The following ASB14 variants were observed in gnomAD, a reference collection of about 807,000 sequenced individuals.
The protein encoded by ASB14 is ankyrin repeat and SOCS box protein 14.
A neutral mutation model predicts 55.6 loss-of-function variants in ASB14; 63 were observed. That is an observed-to-expected ratio of 1.13 (90% CI 0.92 to 1.40). ASB14 has a LOEUF of 1.40. Ranked by LOEUF, ASB14 falls within the 40% of genes most tolerant of loss-of-function variation. The pLI, the probability that ASB14 is intolerant of heterozygous loss-of-function variation, is 0.00. For missense variants in ASB14, 724 were observed against 710.4 expected, an observed-to-expected ratio of 1.02 and a Z score of -0.22; for synonymous variants, 256 against 259.9, an observed-to-expected ratio of 0.98 and a Z score of 0.15.
At chr3:57,278,089 T>A (rs1030583000) in intron 8 of ASB14, among the ~76,000 whole-genome samples, 169 bp from the exon 9 acceptor site, 1 of 152,234 alleles carries the variant, frequency 6.6e-6, no homozygotes, top group African/African-American at 2.4e-5. Flanking sequence ...ATTCTTTTTT[T>A]CATCAGAAAT....
At chr3:57,275,887 A>G (rs1405764090) in intron 10 of ASB14, among the ~76,000 whole-genome samples, 1 of 152,190 alleles carries the variant, frequency 6.6e-6, no homozygotes, top group African/African-American at 2.4e-5. Context: ...AATAAGCATT[A>G]TAATCTTTAT....
At chr3:57,284,923 T>G (rs1254622238) in intron 5 of ASB14, among the ~76,000 whole-genome samples, 1 of 145,718 alleles carries the variant, frequency 6.9e-6, no homozygotes, top group Non-Finnish European at 1.5e-5. Flanking sequence ...TGTTGGTCTC[T>G]CTTTAATTTT....
chr3:57,269,955 G>A (rs768547297), intron 10 of ASB14: 1 of 246,866 alleles, frequency 4.1e-6, no homozygotes, highest in East Asian at 7.8e-5. Context: ...AATTACATTT[G>A]CTCAAGAATT....
Position 57,269,759 on chromosome 3 carries a change from C to G in ASB14, c.*23-141G>C, listed in dbSNP as rs2060923149. 3.3e-6 allele frequency: 5 copies of G among 1,509,320 alleles called. No homozygotes were observed. The African/African-American group carries it at 6.9e-5, about 21-fold the overall frequency. The allele number at this position is 1,509,320 out of a possible 1,614,324, so 93.5% of individuals were successfully genotyped here. A position where few individuals can be genotyped will look rare whatever the true frequency, so the allele number is the denominator to read the frequency against. On this transcript the variant is annotated intron_variant, in intron 10 of 10. Transcript: ENST00000487349. ...ATGGTGAAATGGCAGAAGGTAACAA[C>G]TATGTTGAAATATCAAGGAGGAGAT...
intron 8 of ASB14, 65 bp downstream of exon 8, chr3:57,278,312 A>G: frequency 7.6e-7 from 1 of 1,315,438 alleles, no homozygotes; most frequent in Non-Finnish European, 1.1e-6. Context: ...TAATCTATTT[A>G]TTGCCATAGT....
At chr3:57,277,631 T>A (rs1206311414) in intron 9 of ASB14, 136 bp downstream of exon 9, 26 of 759,592 alleles carry the variant, frequency 3.4e-5, no homozygotes, top group Non-Finnish European at 5.3e-5. Flanking sequence ...GTAACATTTT[T>A]AAAGATAGGA....
At chr3:57,269,907 A>AGGAAACCTGCTCATCT (rs758972065) in intron 10 of ASB14, 14 of 392,096 alleles carry the variant, frequency 3.6e-5, no homozygotes, top group South Asian at 2.1e-4. Flanking sequence ...TAACATCTAA[A>AGGAAACCTGCTCATCT]GGAAACCTGC....
At chr3:57,288,488 C>T (rs892430279) in intron 3 of ASB14, among the ~76,000 whole-genome samples, 4 of 152,148 alleles carry the variant, frequency 2.6e-5, no homozygotes, top group Admixed American at 6.6e-5. Flanking sequence ...ACACCCCCAG[C>T]GTCTTGTTAT....
intron 10 of ASB14, among the ~76,000 whole-genome samples, chr3:57,275,438 C>T (rs1486827231): frequency 1.7e-5 from 2 of 115,886 alleles, no homozygotes; most frequent in African/African-American, 3.5e-5. Context: ...GGTGACAGGA[C>T]AAGACTCCAT....
intron 5 of ASB14, among the ~76,000 whole-genome samples, chr3:57,285,529 AT>A (rs1486720506): frequency 6.6e-6 from 1 of 151,996 alleles, no homozygotes; most frequent in African/African-American, 2.4e-5. Flanking sequence ...CACCATCCTA[AT>A]ATTTTTGTAG....
intron 6 of ASB14, among the ~76,000 whole-genome samples, chr3:57,282,338 T>C (rs2061046724): frequency 6.6e-6 from 1 of 152,188 alleles, no homozygotes; most frequent in African/African-American, 2.4e-5. Flanking sequence ...AGAATAAAGA[T>C]AATTCTATTA....
rs1261298363 is a variant in ASB14, at chr3:57,283,181, CAG to C, written c.715+11_715+12del. ...ACCCTTTGTTAGTGTGCTGACCAAA[CAG>C]AAGATCTTGCCTTTCCGCAGTAACA... On this transcript the variant is annotated intron_variant, in intron 6 of 10. Coordinates refer to ENST00000487349, the MANE Select transcript of ASB14 (RefSeq NM_001142733.3). 9 of 1,552,170 alleles carry C rather than the reference CAG, an allele frequency of 5.8e-6. No homozygotes were observed. In the Admixed American group the frequency reaches 1.6e-4, roughly 27 times the overall value.
intron 10 of ASB14, among the ~76,000 whole-genome samples, chr3:57,275,178 C>T (rs977686612): frequency 2.0e-5 from 3 of 152,108 alleles, no homozygotes; most frequent in Non-Finnish European, 2.9e-5. Context: ...AGGCTGGGCA[C>T]GGTGGCTCAT....
chr3:57,271,598 C>CT (rs1173448822), intron 10 of ASB14: 1 of 152,186 alleles, frequency 6.6e-6, no homozygotes, highest in Non-Finnish European at 1.5e-5. Flanking sequence ...CAGATGAAAT[C>CT]TGTTACTCTA....
At chr3:57,281,230 T>G (rs2061038145) in intron 6 of ASB14, among the ~76,000 whole-genome samples, 1 of 151,994 alleles carries the variant, frequency 6.6e-6, no homozygotes, top group Non-Finnish European at 1.5e-5. Context: ...ATTTTCAGAT[T>G]AAGAATGCTT....
chr3:57,279,639 G>A (rs553489277), intron 7 of ASB14, among the ~76,000 whole-genome samples: 3 of 151,778 alleles, frequency 2.0e-5, no homozygotes, highest in East Asian at 2.0e-4. Context: ...CGGAGGTTGC[G>A]GTCAGCCGAG....
At chr3:57,283,514 C>T in intron 5 of ASB14, 75 bp from the exon 6 acceptor site, 2 of 1,438,692 alleles carry the variant, frequency 1.4e-6, no homozygotes, top group Non-Finnish European at 1.9e-6. Flanking sequence ...AAGTATCCCT[C>T]AGGCTTTCTT....
chr3:57,269,444 G>T lies in ASB14; in HGVS notation c.*197C>A. 3 of 1,148,872 alleles carry T rather than the reference G, an allele frequency of 2.6e-6. No individual in the cohort carries two copies. Among genetic ancestry groups the T allele is most frequent in the South Asian group, 3.3e-5 (2 of 61,436 alleles). The allele number at this position is 1,148,872 out of a possible 1,614,324, so 71.2% of individuals were successfully genotyped here. A position where few individuals can be genotyped will look rare whatever the true frequency, so the allele number is the denominator to read the frequency against. On this transcript the variant is annotated 3_prime_UTR_variant, in exon 11 of 11. Transcript: ENST00000487349. ...GTCAGAAGTATGCATACATATTTAT[G>T]ACAGAAGAAGTGGCTCTCAAGAATG...
rs759444657 is a variant in ASB14, at chr3:57,278,848, A to T, written c.960T>A (p.Cys320Ter). The change falls in exon 8 of 11, where the codon TGT (cysteine) becomes TGA (stop). Residue 320 changes from cysteine (C) to a stop codon, truncating the protein, a stop_gained. Transcript: ENST00000487349. LOFTEE classifies it high-confidence loss of function. The part of the protein sequence containing the change: ...IKQSGISPVH[C>*]AAAGAHPQCL... ...ACTGAGGATGTGCTCCTGCTGCTGC[A>T]CAGTGAACTGGACTGATCCCACTCT... The T allele has an allele frequency of 1.6e-5, 26 of 1,613,696 alleles. No homozygotes were observed. The African/African-American group carries it at 3.3e-4, about 21-fold the overall frequency.
Sources: allele counts gnomAD v4.1 joint callset (sites outside exome capture counted in the v4.1 genomes callset), GRCh38; gene constraint gnomAD v4.1.1; transcripts MANE v1.5; gene names NCBI Gene and HGNC (gene_info 2026-07-23, HGNC 2026-07-21).